The following TMEM132D variants were observed in gnomAD, a reference collection of about 807,000 sequenced individuals.
TMEM132D encodes the protein transmembrane protein 132D.
In TMEM132D, 21 loss-of-function variants were observed where a neutral mutation model predicts 62.3. The observed-to-expected ratio is 0.34, with a 90% CI of 0.24 to 0.49. The LOEUF (loss-of-function observed/expected upper bound fraction) is 0.49. Ranked by LOEUF, TMEM132D falls within the 20% of genes least tolerant of loss-of-function variation. The pLI is 0.99. For missense variants in TMEM132D, 1,346 were observed against 1,402.8 expected, an observed-to-expected ratio of 0.96 and a Z score of 0.65; for synonymous variants, 621 against 575.6, an observed-to-expected ratio of 1.08 and a Z score of -1.13.
chr12:129,337,480 T>C (rs982720213), intron 4 of TMEM132D, among the ~76,000 whole-genome samples, 154 bp downstream of exon 4: 1 of 127,666 alleles, frequency 7.8e-6, no homozygotes. Flanking sequence ...CACATAACGA[T>C]TGGCTATTGG....
At chr12:129,313,330 T>C (rs1882027161) in intron 4 of TMEM132D, among the ~76,000 whole-genome samples, 1 of 152,112 alleles carries the variant, frequency 6.6e-6, no homozygotes, top group Admixed American at 6.5e-5. Flanking sequence ...CTCCTACTCT[T>C]CCCATAATCC....
intron 3 of TMEM132D, among the ~76,000 whole-genome samples, chr12:129,381,596 G>A (rs111468283): frequency 0.02 from 3,106 of 152,300 alleles, 110 homozygotes; most frequent in African/African-American, 0.071. Flanking sequence ...CCAACATTCT[G>A]TGGCTTTGAA....
chr12:129,368,455 C>A (rs1476105785), intron 3 of TMEM132D, among the ~76,000 whole-genome samples: 1 of 152,144 alleles, frequency 6.6e-6, no homozygotes, highest in East Asian at 1.9e-4. Flanking sequence ...ATTTAAATAC[C>A]TATTTGCATA....
At chr12:129,258,758 C>T (rs1408019523) in intron 4 of TMEM132D, among the ~76,000 whole-genome samples, 2 of 152,158 alleles carry the variant, frequency 1.3e-5, no homozygotes, top group Non-Finnish European at 2.9e-5. Context: ...CATGGATCAC[C>T]TACTTTTAAG....
At chr12:129,348,265 T>C (rs942963046) in intron 3 of TMEM132D, among the ~76,000 whole-genome samples, 1 of 152,222 alleles carries the variant, frequency 6.6e-6, no homozygotes, top group Non-Finnish European at 1.5e-5. Context: ...CGTATGTTTA[T>C]TGCAGCACTA....
intron 1 of TMEM132D, among the ~76,000 whole-genome samples, chr12:129,895,398 T>C (rs1875074909): frequency 6.6e-6 from 1 of 152,202 alleles, no homozygotes; most frequent in Non-Finnish European, 1.5e-5. Flanking sequence ...CTTCTAAGTT[T>C]TGAGAGGTTC....
chr12:129,350,810 G>A (rs750035031), intron 3 of TMEM132D, among the ~76,000 whole-genome samples: 16 of 152,196 alleles, frequency 1.1e-4, no homozygotes, highest in Non-Finnish European at 2.1e-4. Context: ...ATAGCCACAC[G>A]GGCCTTAGCC....
intron 3 of TMEM132D, among the ~76,000 whole-genome samples, chr12:129,375,390 A>G (rs1362147520): frequency 6.6e-6 from 1 of 152,158 alleles, no homozygotes; most frequent in Admixed American, 6.5e-5. Flanking sequence ...TTGGGTGCAT[A>G]TTGGGAATCA....
At chr12:129,223,649 C>T (rs1160414413) in intron 4 of TMEM132D, among the ~76,000 whole-genome samples, 5 of 152,108 alleles carry the variant, frequency 3.3e-5, no homozygotes, top group African/African-American at 1.2e-4. Context: ...ACTGATAACC[C>T]CCGCCTCCCG....
chr12:129,151,170 T>C (rs1251568428), intron 5 of TMEM132D, among the ~76,000 whole-genome samples: 1 of 152,128 alleles, frequency 6.6e-6, no homozygotes, highest in Non-Finnish European at 1.5e-5. Flanking sequence ...ATGCAGGGCA[T>C]GGACTATGTT....
At chr12:129,364,870 G>C (rs1870357714) in intron 3 of TMEM132D, among the ~76,000 whole-genome samples, 1 of 152,220 alleles carries the variant, frequency 6.6e-6, no homozygotes, top group South Asian at 2.1e-4. Context: ...CTAGACTGGA[G>C]AGGGTAGCTT....
At chr12:129,264,899 C>A (rs773029847) in intron 4 of TMEM132D, among the ~76,000 whole-genome samples, 4 of 152,048 alleles carry the variant, frequency 2.6e-5, no homozygotes, top group Non-Finnish European at 5.9e-5. Flanking sequence ...ATACAATGGA[C>A]TTTGGGAACT....
rs755401367 is a variant in TMEM132D at position 129,266,475 on chromosome 12, C to T, written c.1300-56812G>A. Among the ~76,000 whole-genome samples the T allele has an allele frequency of 1.6e-4, 24 of 151,230 alleles. 1 individual carries two copies. The Middle Eastern group carries it at 0.02, about 129-fold the overall frequency. ...TCTCACCTCCACTTCCCCTCCTCTT[C>T]GCTCCTTCTCTCCCCTCTTTTTTCC... On this transcript the variant is annotated intron_variant, in intron 4 of 8. Coordinates refer to ENST00000422113, the MANE Select transcript of TMEM132D (RefSeq NM_133448.3).
intron 2 of TMEM132D, among the ~76,000 whole-genome samples, chr12:129,686,765 T>C (rs1880931067): frequency 6.6e-6 from 1 of 152,146 alleles, no homozygotes; most frequent in Non-Finnish European, 1.5e-5. Flanking sequence ...TTCACACCCA[T>C]TCATATTGAT....
intron 3 of TMEM132D, among the ~76,000 whole-genome samples, chr12:129,463,454 T>G (rs1330148203): frequency 1.1e-4 from 11 of 100,470 alleles, no homozygotes; most frequent in Non-Finnish European, 2.6e-4. Flanking sequence ...ATTTATTTAT[T>G]TATTTATTTA....
chr12:129,239,535 T>A (rs2135583450), intron 4 of TMEM132D, among the ~76,000 whole-genome samples: 1 of 152,308 alleles, frequency 6.6e-6, no homozygotes, highest in East Asian at 1.9e-4. Flanking sequence ...GGACCTTATT[T>A]GGAAACAGGG....
intron 3 of TMEM132D, among the ~76,000 whole-genome samples, chr12:129,473,324 G>GTTTTTTTTTTTTTT (rs751523415): frequency 1.2e-5 from 1 of 81,550 alleles, no homozygotes; most frequent in Non-Finnish European, 2.2e-5. Flanking sequence ...TTTAGTTTTT[G>GTTTTTTTTTTTTTT]TTTTTTTTTT....
At chr12:129,664,803 A>G (rs1275415855) in intron 2 of TMEM132D, among the ~76,000 whole-genome samples, 2 of 152,124 alleles carry the variant, frequency 1.3e-5, no homozygotes, top group Non-Finnish European at 2.9e-5. Context: ...TGGTTCTGAA[A>G]TACTGTGGAA....
chr12:129,674,763 A>G (rs1485727347), intron 2 of TMEM132D, among the ~76,000 whole-genome samples: 1 of 151,704 alleles, frequency 6.6e-6, no homozygotes, highest in Non-Finnish European at 1.5e-5. Flanking sequence ...CTGGTCTCGA[A>G]CTCCTGACCT....
Sources: allele counts gnomAD v4.1 joint callset (sites outside exome capture counted in the v4.1 genomes callset), GRCh38; gene constraint gnomAD v4.1.1; transcripts MANE v1.5; gene names NCBI Gene and HGNC (gene_info 2026-07-23, HGNC 2026-07-21).